The following AFG2A variants were observed in gnomAD, a reference collection of about 807,000 sequenced individuals.
AFG2A encodes AAA ATPase AFG2A.
the AFG2A span, among the ~76,000 whole-genome samples, chr4:122,952,587 C>T: frequency 6.6e-6 from 1 of 152,162 alleles, no homozygotes; most frequent in African/African-American, 2.4e-5. Context: ...GGATTTTTGT[C>T]TGTGTTTATA....
chr4:123,213,721 G>A, the AFG2A span, among the ~76,000 whole-genome samples: 1 of 152,178 alleles, frequency 6.6e-6, no homozygotes, highest in African/African-American at 2.4e-5. Context: ...TTGCTCCATT[G>A]TTGAGGGTTG....
At chr4:123,033,874 G>GAGTGCTTAAATGCTT in the AFG2A span, among the ~76,000 whole-genome samples, 1 of 152,040 alleles carries the variant, frequency 6.6e-6, no homozygotes, top group Non-Finnish European at 1.5e-5. Context: ...AAAGGCAAAT[G>GAGTGCTTAAATGCTT]AAAAAGTTTT....
chr4:123,086,942 A>G, the AFG2A span, among the ~76,000 whole-genome samples: 2 of 152,092 alleles, frequency 1.3e-5, no homozygotes, highest in African/African-American at 2.4e-5. Context: ...CTCTGCTTAC[A>G]TTACTCATCT....
the AFG2A span, among the ~76,000 whole-genome samples, chr4:123,042,104 A>G: frequency 1.3e-5 from 2 of 152,122 alleles, no homozygotes; most frequent in Non-Finnish European, 2.9e-5. Flanking sequence ...CTATTACCAT[A>G]TTATCATATT....
the AFG2A span, among the ~76,000 whole-genome samples, chr4:123,088,166 T>A: frequency 6.6e-6 from 1 of 152,200 alleles, no homozygotes. Flanking sequence ...CATTGTGCAC[T>A]TTATCCAGTT....
the AFG2A span, among the ~76,000 whole-genome samples, chr4:123,055,379 T>C: frequency 2.6e-4 from 39 of 152,324 alleles, no homozygotes; most frequent in South Asian, 8.1e-3. Flanking sequence ...CTAAGGAGTT[T>C]CTTCTGTATG....
chr4:122,948,385 T>TACACACAC, the AFG2A span, among the ~76,000 whole-genome samples: 2 of 80,202 alleles, frequency 2.5e-5, no homozygotes, highest in Non-Finnish European at 5.6e-5. Context: ...TTCTCCAGAG[T>TACACACAC]ATACACACAC....
chr4:123,081,454 C>T, the AFG2A span, among the ~76,000 whole-genome samples: 1 of 152,208 alleles, frequency 6.6e-6, no homozygotes, highest in Non-Finnish European at 1.5e-5. Flanking sequence ...CATGCCTTCT[C>T]ATAACTTGAT....
At chr4:123,248,852 A>T in the AFG2A span, among the ~76,000 whole-genome samples, 4 of 152,196 alleles carry the variant, frequency 2.6e-5, no homozygotes, top group Non-Finnish European at 5.9e-5. Flanking sequence ...GAATTCAGAG[A>T]TTGCTAACAT....
At chr4:123,220,633 A>AAAC in the AFG2A span, among the ~76,000 whole-genome samples, 153 of 147,780 alleles carry the variant, frequency 1.0e-3, 2 homozygotes, top group African/African-American at 4.0e-3. Flanking sequence ...AAAAAAAAAA[A>AAAC]AAAACCTGGA....
the AFG2A span, among the ~76,000 whole-genome samples, chr4:123,130,183 TA>T: frequency 0.67 from 101,766 of 151,300 alleles, 37,249 homozygotes; most frequent in East Asian, 0.97. Context: ...AATATATATA[TA>T]TTTTTTAATT....
chr4:122,963,124 G>T, the AFG2A span, among the ~76,000 whole-genome samples: 34 of 152,064 alleles, frequency 2.2e-4, no homozygotes, highest in Non-Finnish European at 3.4e-4. Context: ...TAGATGGTGG[G>T]GCTACCTCAA....
the AFG2A span, among the ~76,000 whole-genome samples, chr4:123,241,347 C>T: frequency 6.6e-6 from 1 of 152,136 alleles, no homozygotes; most frequent in Non-Finnish European, 1.5e-5. Context: ...AATTTTAGAC[C>T]AATATCCCTG....
the AFG2A span, among the ~76,000 whole-genome samples, chr4:123,059,659 GTATATACCCAGTAA>G: frequency 6.6e-6 from 1 of 150,946 alleles, no homozygotes; most frequent in Non-Finnish European, 1.5e-5. Flanking sequence ...AGTCCTTTGA[GTATATACCCAGTAA>G]TGGGATGGCT....
chr4:123,200,254 C>T, the AFG2A span, among the ~76,000 whole-genome samples: 1 of 147,974 alleles, frequency 6.8e-6, no homozygotes, highest in South Asian at 2.1e-4. Flanking sequence ...GCACTGATTA[C>T]TCTATTCCAA....
At chr4:122,943,293 G>T in the AFG2A span, among the ~76,000 whole-genome samples, 1 of 152,128 alleles carries the variant, frequency 6.6e-6, no homozygotes, top group East Asian at 1.9e-4. Flanking sequence ...GGTCACTCAG[G>T]ACTTGCTTTA....
At chr4:123,139,440 T>C in the AFG2A span, among the ~76,000 whole-genome samples, 1 of 152,070 alleles carries the variant, frequency 6.6e-6, no homozygotes, top group African/African-American at 2.4e-5. Context: ...CAAATAACTT[T>C]TAAAGATTTG....
At chr4:123,019,994 TC>T in the AFG2A span, among the ~76,000 whole-genome samples, 1,845 of 152,310 alleles carry the variant, frequency 0.012, 42 homozygotes, top group African/African-American at 0.041. Flanking sequence ...GTCACCTAGT[TC>T]TACTAGGTGA....
the AFG2A span, among the ~76,000 whole-genome samples, chr4:122,983,883 C>T: frequency 1.3e-5 from 2 of 152,172 alleles, no homozygotes; most frequent in Non-Finnish European, 2.9e-5. Flanking sequence ...AGACAGACAA[C>T]AATCACTGCA....
Sources: allele counts gnomAD v4.1 joint callset (sites outside exome capture counted in the v4.1 genomes callset), GRCh38; gene constraint gnomAD v4.1.1; transcripts MANE v1.5; gene names NCBI Gene and HGNC (gene_info 2026-07-23, HGNC 2026-07-21).